ATF1: variants seen among roughly 807,000 people sequenced by gnomAD.
The protein encoded by ATF1 is cyclic AMP-dependent transcription factor ATF-1.
Under a neutral mutation model 34.7 loss-of-function variants are expected in ATF1, and 16 were observed. The ratio of observed to expected loss-of-function variants is 0.46; its 90% CI spans 0.31 to 0.70. The LOEUF (loss-of-function observed/expected upper bound fraction) is 0.70. ATF1 is among the 30% of genes least tolerant of loss of function. ATF1 has a pLI of 0.05. For synonymous variants in ATF1, 105 were observed against 113.1 expected, an observed-to-expected ratio of 0.93 and a Z score of 0.46; for missense variants, 255 against 321.6, an observed-to-expected ratio of 0.79 and a Z score of 1.58.
At chr12:50,796,560 G>A (rs1941412128) in intron 3 of ATF1, among the ~76,000 whole-genome samples, 1 of 152,088 alleles carries the variant, frequency 6.6e-6, no homozygotes. Context: ...AATTAGCCGG[G>A]TGTGGTAGTG....
chr12:50,795,600 A>C (rs544492830), intron 2 of ATF1, among the ~76,000 whole-genome samples: 15 of 151,822 alleles, frequency 9.9e-5, no homozygotes, highest in Middle Eastern at 3.4e-3. Flanking sequence ...TCAGTGTAGA[A>C]ATAGGGTGGA....
chr12:50,807,955 G>A (rs1250427005), intron 3 of ATF1, among the ~76,000 whole-genome samples: 2 of 151,954 alleles, frequency 1.3e-5, no homozygotes, highest in Non-Finnish European at 2.9e-5. Flanking sequence ...AATTACAGGC[G>A]TGAGCCACCA....
intron 2 of ATF1, among the ~76,000 whole-genome samples, chr12:50,785,278 TATAC>T (rs1368960504): frequency 3.6e-4 from 41 of 115,192 alleles, no homozygotes; most frequent in African/African-American, 1.3e-3. Flanking sequence ...AAATTATATA[TATAC>T]ATACACACAC....
At chr12:50,785,231 G>A (rs1023238626) in intron 2 of ATF1, among the ~76,000 whole-genome samples, 1 of 148,606 alleles carries the variant, frequency 6.7e-6, no homozygotes, top group African/African-American at 2.5e-5. Flanking sequence ...AGACCAGCCT[G>A]GGCAACATAG....
intron 2 of ATF1, among the ~76,000 whole-genome samples, chr12:50,781,915 CA>C (rs56395543): frequency 0.85 from 91,385 of 107,138 alleles, 38,798 homozygotes; most frequent in Non-Finnish European, 0.92. Context: ...ACCCTATCTC[CA>C]AAAAAAAAAA....
intron 4 of ATF1, 64 bp downstream of exon 4, chr12:50,809,653 A>T (rs1211985750): frequency 1.3e-6 from 2 of 1,490,624 alleles, no homozygotes; most frequent in Admixed American, 2.0e-5. Flanking sequence ...GTAGAAAGAA[A>T]TGGTGTTAGG....
chr12:50,779,603 C>T (rs1486054481), intron 1 of ATF1, among the ~76,000 whole-genome samples: 1 of 146,384 alleles, frequency 6.8e-6, no homozygotes, highest in Non-Finnish European at 1.5e-5. Flanking sequence ...TAAATTCTGT[C>T]TAAATCTTTT....
At chr12:50,791,911 A>AAT (rs760061186) in intron 2 of ATF1, among the ~76,000 whole-genome samples, 4 of 151,816 alleles carry the variant, frequency 2.6e-5, no homozygotes, top group Non-Finnish European at 2.9e-5. Context: ...ATTTACTTGA[A>AAT]ATATATATAT....
At chr12:50,776,181 G>A (rs373779915) in intron 1 of ATF1, among the ~76,000 whole-genome samples, 17 of 151,452 alleles carry the variant, frequency 1.1e-4, no homozygotes, top group African/African-American at 2.9e-4. Flanking sequence ...GCATGGTGGC[G>A]GGCGCCTGTA....
At chr12:50,785,294 C>T (rs200786618) in intron 2 of ATF1, among the ~76,000 whole-genome samples, 17 of 12,304 alleles carry the variant, frequency 1.4e-3, no homozygotes, top group Middle Eastern at 0.036. Context: ...TACACACACA[C>T]ACACACACAC....
chr12:50,807,427 A>G (rs867881644), intron 3 of ATF1, among the ~76,000 whole-genome samples: 2 of 152,108 alleles, frequency 1.3e-5, no homozygotes, highest in South Asian at 2.1e-4. Flanking sequence ...AAAATAATAA[A>G]TAAATTTCTT....
At chr12:50,810,612 T>A (rs1000166928) in intron 4 of ATF1, among the ~76,000 whole-genome samples, 10 of 152,232 alleles carry the variant, frequency 6.6e-5, no homozygotes, top group Admixed American at 6.5e-5. Flanking sequence ...TTGACAAATG[T>A]GTAGAATAGT....
intron 3 of ATF1, among the ~76,000 whole-genome samples, chr12:50,809,213 A>G (rs1941679785): frequency 6.6e-6 from 1 of 151,934 alleles, no homozygotes; most frequent in Non-Finnish European, 1.5e-5. Flanking sequence ...GTGTCTACTG[A>G]AAATACAAAA....
rs1051839876 is a variant in ATF1 at position 50,800,343 on chromosome 12, C to A, written c.194+4334C>A. On this transcript the variant is annotated intron_variant, in intron 3 of 6. Transcript: ENST00000262053. ...ACTAAGGGAAATAATTGCCAGCAGACCTGCTGTAAAACAACTGCTAAGAAA... is the reference window on the plus strand; with the variant it reads ...ACTAAGGGAAATAATTGCCAGCAGAACTGCTGTAAAACAACTGCTAAGAAA... 3.9e-5 allele frequency among the ~76,000 whole-genome samples: 6 copies of A among 152,256 alleles called. No homozygotes were observed. The East Asian group carries it at 1.2e-3, about 29-fold the overall frequency.
intron 2 of ATF1, among the ~76,000 whole-genome samples, chr12:50,795,669 G>T (rs1040190504): frequency 6.6e-6 from 1 of 151,996 alleles, no homozygotes; most frequent in African/African-American, 2.4e-5. Flanking sequence ...TTCATTTGGG[G>T]GACAGACTTT....
intron 1 of ATF1, among the ~76,000 whole-genome samples, chr12:50,775,234 G>A (rs1447552749): frequency 6.6e-6 from 1 of 151,724 alleles, no homozygotes; most frequent in African/African-American, 2.4e-5. Flanking sequence ...TATGCACCCT[G>A]TTAGTTATCT....
chr12:50,813,846 A>G (rs1941786642), intron 4 of ATF1, among the ~76,000 whole-genome samples, 164 bp from the exon 5 acceptor site: 1 of 152,022 alleles, frequency 6.6e-6, no homozygotes, highest in South Asian at 2.1e-4. Flanking sequence ...ATGCTGTTTT[A>G]TTCCTTTTAC....
At chr12:50,782,944 C>G (rs1941102897) in intron 2 of ATF1, among the ~76,000 whole-genome samples, 2 of 152,060 alleles carry the variant, frequency 1.3e-5, no homozygotes, top group South Asian at 4.1e-4. Context: ...CCCACCTTGG[C>G]CTCCCAAAGT....
At chr12:50,790,315 C>T (rs943414442) in intron 2 of ATF1, among the ~76,000 whole-genome samples, 3 of 151,812 alleles carry the variant, frequency 2.0e-5, no homozygotes, top group African/African-American at 7.3e-5. Context: ...AGCAATCCTC[C>T]CAGCTTAGCC....
Sources: allele counts gnomAD v4.1 joint callset (sites outside exome capture counted in the v4.1 genomes callset), GRCh38; gene constraint gnomAD v4.1.1; transcripts MANE v1.5; gene names NCBI Gene and HGNC (gene_info 2026-07-23, HGNC 2026-07-21).